The following GAK variants were observed in gnomAD, a reference collection of about 807,000 sequenced individuals.
The protein encoded by GAK is cyclin G associated kinase.
GAK carries 79 observed loss-of-function variants against 143.9 expected under a neutral mutation model. The observed-to-expected ratio is 0.55, with a 90% CI of 0.46 to 0.66. GAK has a LOEUF of 0.66. GAK is among the 30% of genes least tolerant of loss of function. The probability of loss-of-function intolerance (pLI) is 0.00; values close to 1 mark genes in which losing one functional copy is unlikely to be tolerated. For missense variants in GAK, 1,693 were observed against 1,779.7 expected, an observed-to-expected ratio of 0.95 and a Z score of 0.88; for synonymous variants, 881 against 765.5, an observed-to-expected ratio of 1.15 and a Z score of -2.49.
rs746962423 is a variant in GAK, at chr4:932,025, G to A, written c.145+18C>T. ...AACACTCCGCGGCCGCACCCGCGCT[G>A]CCGACCCGGGGCCTCACCTTCGGCC... is the stretch of plus-strand genomic sequence containing the variant. On this transcript the variant is annotated intron_variant, in intron 1 of 27. Transcript: ENST00000314167. The surrounding 1 kb of genome is among the most constrained non-coding windows in gnomAD (Gnocchi z 4.0). 5 of 1,548,918 alleles carry A rather than the reference G, an allele frequency of 3.2e-6. No homozygotes were observed. The highest frequency in any genetic ancestry group is 3.5e-6 in the Non-Finnish European group (4 of 1,138,382).
chr4:905,370 ACAT>A (rs1720868278), intron 4 of GAK, among the ~76,000 whole-genome samples: 1 of 152,192 alleles, frequency 6.6e-6, no homozygotes, highest in Non-Finnish European at 1.5e-5. Flanking sequence ...TCTACGGTTA[ACAT>A]CATCACCGTG....
intron 1 of GAK, chr4:913,911 C>CCA (rs372426650): frequency 1.9e-5 from 5 of 266,264 alleles, no homozygotes; most frequent in African/African-American, 1.0e-4. Context: ...GTGCACGGCC[C>CCA]CACACACACA....
intron 5 of GAK, among the ~76,000 whole-genome samples, chr4:900,681 T>C (rs3775118): frequency 0.03 from 4,550 of 152,164 alleles, 98 homozygotes; most frequent in South Asian, 0.09. Context: ...TCCGTCAGAA[T>C]GGGGCCTCAG....
In GAK at chr4:931,750, C is replaced by A. The variant is rs187824032; in HGVS notation, c.145+293G>T. Among the ~76,000 whole-genome samples the A allele has an allele frequency of 1.3e-3, 203 of 152,246 alleles. 2 individuals are homozygous for A. Among genetic ancestry groups the A allele is most frequent in the Middle Eastern group, 6.8e-3 (2 of 294 alleles). On this transcript the variant is annotated intron_variant, in intron 1 of 27. Coordinates refer to ENST00000314167, the MANE Select transcript of GAK (RefSeq NM_005255.4). ...CTGAGGGGGTTCCCCAAGCCCCAGG[C>A]CTTGCTCCGACTTGACCCTACTCTT...
chr4:892,566 G>C (rs1038822080), intron 9 of GAK, among the ~76,000 whole-genome samples: 1 of 152,212 alleles, frequency 6.6e-6, no homozygotes, highest in Non-Finnish European at 1.5e-5. Flanking sequence ...ACGGCCCTGT[G>C]GGCCTCAGTC....
At chr4:859,124 G>C (rs1052626214) in intron 24 of GAK, 1 of 977,092 alleles carries the variant, frequency 1.0e-6, no homozygotes, top group East Asian at 1.1e-4. Context: ...TGAAGCCACA[G>C]CGCCCGGGGC....
intron 24 of GAK, among the ~76,000 whole-genome samples, chr4:854,887 T>C (rs1290742246): frequency 2.0e-5 from 3 of 151,990 alleles, no homozygotes; most frequent in Non-Finnish European, 4.4e-5. Context: ...CTACTAAAAA[T>C]ACAAAAAATT....
intron 24 of GAK, among the ~76,000 whole-genome samples, chr4:855,278 C>T (rs745970291): frequency 1.6e-4 from 25 of 152,014 alleles, no homozygotes; most frequent in Non-Finnish European, 3.1e-4. Context: ...TTTTGTAGTC[C>T]CACCACACAA....
At chr4:855,341 A>G (rs1408677070) in intron 24 of GAK, among the ~76,000 whole-genome samples, 1 of 152,162 alleles carries the variant, frequency 6.6e-6, no homozygotes, top group Non-Finnish European at 1.5e-5. Context: ...TTTTCTAAAA[A>G]AAAAAAAGGT....
rs557506125 is a variant in GAK at position 876,429 on chromosome 4, G to A, written c.2054+101C>T. Reference sequence around the variant, plus strand: ...AGAGCCACCAAGCAGCAGTCACACAGCCCGCCACTCCCCCTGGGGCTCCCA... The same window carrying A: ...AGAGCCACCAAGCAGCAGTCACACAACCCGCCACTCCCCCTGGGGCTCCCA... On this transcript the variant is annotated intron_variant, in intron 18 of 27. Transcript: ENST00000314167. The A allele has an allele frequency of 1.4e-5, 14 of 988,824 alleles. No homozygotes were observed. In the South Asian group the frequency reaches 1.7e-4, roughly 12 times the overall value. 61.3% of individuals were successfully genotyped at this position (988,824 alleles called of 1,614,324 possible). A position where few individuals can be genotyped will look rare whatever the true frequency, so the allele number is the denominator to read the frequency against.
chr4:926,623 G>C (rs559479169), intron 1 of GAK, among the ~76,000 whole-genome samples: 1 of 152,198 alleles, frequency 6.6e-6, no homozygotes, highest in Non-Finnish European at 1.5e-5. Context: ...TGCTGTGGTG[G>C]TTCTGACCAT....
intron 5 of GAK, among the ~76,000 whole-genome samples, chr4:902,602 A>ACAAAAAACAAAC (rs1720104214): frequency 1.3e-5 from 2 of 149,286 alleles, no homozygotes; most frequent in Non-Finnish European, 3.0e-5. Context: ...GACTCAAAAA[A>ACAAAAAACAAAC]AAAAAAAAAA....
chr4:859,602 T>C lies in GAK; in HGVS notation c.3283+4A>G, dbSNP rs1391832068. ...CCACACCCCCAAAGTGCCCTCCACG[T>C]TACCTTGGAGGCCGGAGCTGAGGTC... On this transcript the variant is annotated splice_donor_region_variant and intron_variant, in intron 24 of 27. Coordinates refer to ENST00000314167, the MANE Select transcript of GAK (RefSeq NM_005255.4). 6.3e-7 allele frequency: 1 copy of C among 1,593,558 alleles called. No homozygotes were observed. Among genetic ancestry groups the C allele is most frequent in the Non-Finnish European group, 8.6e-7 (1 of 1,162,936 alleles).
rs375569991 is a variant in GAK, at chr4:884,030, C to T, written c.1255+7G>A. On this transcript the variant is annotated splice_region_variant and intron_variant, in intron 12 of 27. Transcript: ENST00000314167. ...GCGCGTCCCACAGCCTCATGTGGCA[C>T]GCATACCTGCAATTCTGGATGTGAT... is the stretch of plus-strand genomic sequence containing the variant. 1.4e-4 allele frequency: 231 copies of T among 1,613,274 alleles called. No homozygotes were observed. Among genetic ancestry groups the T allele is most frequent in the Middle Eastern group, 3.3e-4 (2 of 6,062 alleles).
intron 1 of GAK, among the ~76,000 whole-genome samples, chr4:928,436 C>T (rs1725183689): frequency 6.6e-6 from 1 of 152,200 alleles, no homozygotes; most frequent in African/African-American, 2.4e-5. Context: ...AGGCCTAGGC[C>T]AGGGGGATCA....
At chr4:925,736 C>T (rs867097048) in intron 1 of GAK, among the ~76,000 whole-genome samples, 5 of 152,190 alleles carry the variant, frequency 3.3e-5, no homozygotes, top group Non-Finnish European at 5.9e-5. Flanking sequence ...GAGGACACAG[C>T]GAGAAGGTGC....
chr4:876,147 C>A (rs1002944277), intron 18 of GAK, among the ~76,000 whole-genome samples: 24 of 152,368 alleles, frequency 1.6e-4, no homozygotes, highest in South Asian at 1.0e-3. Context: ...AGGGAGCTAA[C>A]AACAGAGTGT....
At chr4:912,063 G>A (rs563478672) in intron 3 of GAK, 13 of 482,276 alleles carry the variant, frequency 2.7e-5, no homozygotes, top group East Asian at 1.2e-4. Flanking sequence ...CATCCCGCGC[G>A]TGGCAGGAGG....
intron 24 of GAK, among the ~76,000 whole-genome samples, chr4:857,393 C>A (rs759192217): frequency 6.6e-6 from 1 of 152,228 alleles, no homozygotes; most frequent in Non-Finnish European, 1.5e-5. Context: ...AATTGGCATT[C>A]TCTTTCAACA....
Sources: gnomAD v4.1 joint callset for allele counts (sites outside exome capture counted in the v4.1 genomes callset) on GRCh38, gnomAD v4.1.1 for gene constraint, Gnocchi (gnomAD v3.1) non-coding constraint, MANE v1.5 for transcripts, NCBI Gene and HGNC (gene_info 2026-07-23, HGNC 2026-07-21) for gene names.